ANKS1B: variants seen among roughly 807,000 people sequenced by gnomAD.
The protein encoded by ANKS1B is ankyrin repeat and sterile alpha motif domain-containing protein 1B.
ANKS1B carries 36 observed loss-of-function variants against 148.3 expected under a neutral mutation model. The ratio of observed to expected loss-of-function variants is 0.24; its 90% confidence interval spans 0.19 to 0.32. The LOEUF (loss-of-function observed/expected upper bound fraction) is 0.32. Ranked by LOEUF, ANKS1B falls within the 10% of genes least tolerant of loss-of-function variation. The pLI, the probability that ANKS1B is intolerant of heterozygous loss-of-function variation, is 1.00. For missense variants in ANKS1B, 1,157 were observed against 1,542.6 expected (o/e 0.75, Z 4.19); for synonymous variants, 542 against 560.8 (o/e 0.97, Z 0.47).
chr12:99,881,075 C>T (rs778284576), intron 1 of ANKS1B, among the ~76,000 whole-genome samples: 9 of 152,088 alleles, frequency 5.9e-5, no homozygotes, highest in South Asian at 2.1e-4. Flanking sequence ...ATCAGCAGTG[C>T]GTTTCTTGTT....
chr12:98,994,431 A>G (rs2099928370), intron 17 of ANKS1B, among the ~76,000 whole-genome samples: 1 of 152,148 alleles, frequency 6.6e-6, no homozygotes, highest in African/African-American at 2.4e-5. Flanking sequence ...GCCTGGCCCA[A>G]CATGGTGAAA....
At chr12:99,403,079 G>A (rs2094446662) in intron 11 of ANKS1B, among the ~76,000 whole-genome samples, 2 of 142,366 alleles carry the variant, frequency 1.4e-5, no homozygotes. Context: ...CAATGATGTA[G>A]CACTTTTTTT....
At chr12:99,121,433 G>A (rs1055723610) in intron 15 of ANKS1B, among the ~76,000 whole-genome samples, 1 of 151,326 alleles carries the variant, frequency 6.6e-6, no homozygotes, top group Non-Finnish European at 1.5e-5. Flanking sequence ...CAGCATTAAA[G>A]GAAATTATGT....
chr12:98,907,433 G>A (rs890601886), intron 17 of ANKS1B, among the ~76,000 whole-genome samples: 67 of 152,296 alleles, frequency 4.4e-4, no homozygotes, highest in African/African-American at 1.3e-3. Context: ...CCTGTCTCAT[G>A]CTGGTCCTGC....
chr12:99,614,962 G>A (rs1235500514), intron 9 of ANKS1B, among the ~76,000 whole-genome samples: 1 of 150,568 alleles, frequency 6.6e-6, no homozygotes, highest in Non-Finnish European at 1.5e-5. Flanking sequence ...GAAATCTCAA[G>A]GATCTCCAAT....
At chr12:99,887,085 C>T (rs891407220) in intron 1 of ANKS1B, among the ~76,000 whole-genome samples, 5 of 152,128 alleles carry the variant, frequency 3.3e-5, no homozygotes, top group Admixed American at 6.5e-5. Flanking sequence ...AGTGTAGGTA[C>T]GTGGGGTATT....
At chr12:99,433,217 A>G (rs2095408284) in intron 11 of ANKS1B, among the ~76,000 whole-genome samples, 1 of 152,174 alleles carries the variant, frequency 6.6e-6, no homozygotes, top group East Asian at 1.9e-4. Flanking sequence ...TTAAAAATTA[A>G]TAACACTGAA....
At chr12:99,192,784 A>G (rs1256259863) in intron 14 of ANKS1B, among the ~76,000 whole-genome samples, 2 of 152,108 alleles carry the variant, frequency 1.3e-5, no homozygotes, top group Admixed American at 6.5e-5. Flanking sequence ...TATGTAAAAA[A>G]ATTCCAAATT....
chr12:99,624,283 C>T (rs1256661726), intron 9 of ANKS1B, among the ~76,000 whole-genome samples: 2 of 152,072 alleles, frequency 1.3e-5, no homozygotes, highest in African/African-American at 2.4e-5. Context: ...AAACGTAAGA[C>T]CTCTAATTGT....
chr12:99,705,447 C>G (rs913195186), intron 8 of ANKS1B, among the ~76,000 whole-genome samples: 12 of 152,122 alleles, frequency 7.9e-5, no homozygotes, highest in African/African-American at 1.4e-4. Context: ...TCTAAAGATG[C>G]TGTTGTCAAG....
chr12:99,271,662 C>CTATATATATATATA (rs59207203), intron 12 of ANKS1B, among the ~76,000 whole-genome samples: 1,135 of 94,104 alleles, frequency 0.012, 58 homozygotes, highest in African/African-American at 0.036. Flanking sequence ...AGTCAATAAA[C>CTATATATATATATA]TATATATATA....
intron 9 of ANKS1B, among the ~76,000 whole-genome samples, chr12:99,533,628 C>T (rs1224013571): frequency 6.6e-6 from 1 of 152,170 alleles, no homozygotes; most frequent in East Asian, 1.9e-4. Context: ...AGGGAGAATG[C>T]TTTCAACTTT....
intron 9 of ANKS1B, among the ~76,000 whole-genome samples, chr12:99,531,861 A>ATGTC (rs1451575935): frequency 6.6e-6 from 1 of 152,194 alleles, no homozygotes; most frequent in African/African-American, 2.4e-5. Flanking sequence ...CTGAACCAAC[A>ATGTC]TCTATTGTTT....
At chr12:99,950,113 ATTTTTT>A (rs35287842) in intron 1 of ANKS1B, among the ~76,000 whole-genome samples, 1 of 90,550 alleles carries the variant, frequency 1.1e-5, no homozygotes, top group African/African-American at 5.0e-5. Flanking sequence ...TGCTCAGTTA[ATTTTTT>A]TTTTTTTTTT....
chr12:99,088,026 T>C (rs1167046167), intron 15 of ANKS1B, among the ~76,000 whole-genome samples: 1 of 152,190 alleles, frequency 6.6e-6, no homozygotes, highest in Non-Finnish European at 1.5e-5. Context: ...TTGAGCCAAA[T>C]TTCCTAGCAT....
chr12:99,039,308 C>T (rs562613220), intron 17 of ANKS1B, among the ~76,000 whole-genome samples: 40 of 152,322 alleles, frequency 2.6e-4, no homozygotes, highest in African/African-American at 9.4e-4. Context: ...TCAAGTAGGT[C>T]GCTGAAGTCT....
At chr12:99,645,213 G>A (rs1215931790) in intron 9 of ANKS1B, among the ~76,000 whole-genome samples, 1 of 152,124 alleles carries the variant, frequency 6.6e-6, no homozygotes, top group Non-Finnish European at 1.5e-5. Context: ...CACTAACACC[G>A]CTGATTGCCT....
chr12:99,610,120 G>A (rs2097888376), intron 9 of ANKS1B, among the ~76,000 whole-genome samples: 3 of 152,000 alleles, frequency 2.0e-5, no homozygotes, highest in Admixed American at 6.6e-5. Flanking sequence ...AACAAGAAAA[G>A]CATAACAGAT....
chr12:99,711,841 A>T (rs2056681287), intron 8 of ANKS1B, among the ~76,000 whole-genome samples: 1 of 152,208 alleles, frequency 6.6e-6, no homozygotes, highest in Non-Finnish European at 1.5e-5. Flanking sequence ...TAATCCCATT[A>T]CTGCATATAT....
Sources: gnomAD v4.1 joint callset for allele counts (sites outside exome capture counted in the v4.1 genomes callset) on GRCh38, gnomAD v4.1.1 for gene constraint, MANE v1.5 for transcripts, NCBI Gene and HGNC (gene_info 2026-07-23, HGNC 2026-07-21) for gene names.